Variants in NAV2 observed in about 807,000 individuals in gnomAD.
The protein encoded by NAV2 is helicase, APC down-regulated 1.
Under a neutral mutation model 223.2 loss-of-function variants are expected in NAV2, and 54 were observed. That is an observed-to-expected ratio of 0.24 (90% CI 0.19 to 0.30). The LOEUF (loss-of-function observed/expected upper bound fraction) is 0.30. NAV2 is among the 10% of genes least tolerant of loss of function. The pLI is 1.00. For synonymous variants in NAV2, 1,279 were observed against 1,239.3 expected (o/e 1.03, Z -0.67); for missense variants, 2,806 against 3,147.5 (o/e 0.89, Z 2.60).
At chr11:19,911,240 G>A (rs1660019846) in intron 6 of NAV2, among the ~76,000 whole-genome samples, 1 of 152,024 alleles carries the variant, frequency 6.6e-6, no homozygotes, top group Non-Finnish European at 1.5e-5. Flanking sequence ...AGTGTCTATA[G>A]GACATTTATG....
At chr11:19,723,914 G>T (rs2050996420) in intron 1 of NAV2, among the ~76,000 whole-genome samples, 1 of 152,252 alleles carries the variant, frequency 6.6e-6, no homozygotes, top group South Asian at 2.1e-4. Flanking sequence ...TGGGCCACAA[G>T]TGTGCCAGAG....
In NAV2 at chr11:20,101,032, C is replaced by G; in HGVS notation, c.6277C>G (p.Arg2093Gly). ...RYVSLLIEHR[R>G]IILSGPSGTG... ...CGTCTCCCTCCTGATAGAGCACCGT[C>G]GGATCATTCTCTCTGGCCCCAGCGG... The change falls in exon 32 of 38, where the codon CGG becomes GGG. Residue 2093 changes from arginine to glycine, a missense_variant. Physicochemically the swap from Arg to Gly is moderately radical, Grantham distance 125. This residue lies in a region of NAV2 where 824 missense variants were observed against 1,069.4 expected (regional missense o/e 0.77). Transcript: ENST00000349880. 2 of 1,614,144 alleles carry G rather than the reference C, an allele frequency of 1.2e-6. No homozygotes were observed. The highest frequency in any genetic ancestry group is 1.7e-6 in the Non-Finnish European group (2 of 1,180,028).
chr11:19,972,998 A>G (rs1023012392), intron 10 of NAV2, among the ~76,000 whole-genome samples: 6 of 152,188 alleles, frequency 3.9e-5, no homozygotes, highest in Non-Finnish European at 8.8e-5. Flanking sequence ...CTGAGGTTGA[A>G]TGATGTTCCC....
intron 1 of NAV2, among the ~76,000 whole-genome samples, chr11:19,696,940 C>T (rs2049360247): frequency 6.6e-6 from 1 of 152,166 alleles, no homozygotes; most frequent in Non-Finnish European, 1.5e-5. Context: ...ATAGATAGTG[C>T]TGTTGTACAC....
At chr11:19,667,006 CT>C (rs2135772080) in intron 1 of NAV2, among the ~76,000 whole-genome samples, 1 of 152,262 alleles carries the variant, frequency 6.6e-6, no homozygotes, top group Admixed American at 6.5e-5. Flanking sequence ...CCAGAAGGCC[CT>C]CCCCAGCCTC....
chr11:19,598,108 G>A (rs148689471), intron 1 of NAV2, among the ~76,000 whole-genome samples: 2 of 152,264 alleles, frequency 1.3e-5, no homozygotes, highest in African/African-American at 2.4e-5. Context: ...CCCCCTGACA[G>A]TGACAGGCAC....
At chr11:19,487,062 T>C (rs1488696809) in intron 1 of NAV2, among the ~76,000 whole-genome samples, 1 of 152,262 alleles carries the variant, frequency 6.6e-6, no homozygotes, top group Admixed American at 6.5e-5. Flanking sequence ...CTCAGGCACA[T>C]TACCTGGGTA....
intron 6 of NAV2, among the ~76,000 whole-genome samples, chr11:19,913,692 C>G (rs1041569749): frequency 3.9e-4 from 60 of 152,184 alleles, no homozygotes; most frequent in Non-Finnish European, 1.2e-4. Flanking sequence ...TCCAGATCTG[C>G]TACTAATTCA....
At chr11:19,557,366 C>T (rs190045423) in intron 1 of NAV2, among the ~76,000 whole-genome samples, 22 of 152,356 alleles carry the variant, frequency 1.4e-4, no homozygotes, top group African/African-American at 2.9e-4. Flanking sequence ...TGGCAATCTA[C>T]GGCTTACGAT....
At chr11:19,562,732 C>A (rs2045144603) in intron 1 of NAV2, among the ~76,000 whole-genome samples, 1 of 152,168 alleles carries the variant, frequency 6.6e-6, no homozygotes. Context: ...ATTTACGCAG[C>A]ACTAAAGCAA....
At chr11:19,890,187 G>T (rs2707098) in intron 5 of NAV2, among the ~76,000 whole-genome samples, 1 of 152,058 alleles carries the variant, frequency 6.6e-6, no homozygotes, top group Non-Finnish European at 1.5e-5. Context: ...AAAGTTACAG[G>T]TAAGGAATTT....
intron 3 of NAV2, among the ~76,000 whole-genome samples, chr11:19,868,438 C>T (rs1382967918): frequency 6.6e-6 from 1 of 152,152 alleles, no homozygotes; most frequent in Non-Finnish European, 1.5e-5. Context: ...GGTCACAGCC[C>T]TCCCCAGTCA....
intron 1 of NAV2, among the ~76,000 whole-genome samples, chr11:19,464,355 A>T (rs1188550030): frequency 6.6e-6 from 1 of 152,030 alleles, no homozygotes; most frequent in African/African-American, 2.4e-5. Flanking sequence ...TAGCTGCAGA[A>T]GTTTCTCGTT....
chr11:19,574,498 C>T (rs1011573602), intron 1 of NAV2, among the ~76,000 whole-genome samples: 14 of 152,252 alleles, frequency 9.2e-5, no homozygotes, highest in African/African-American at 2.9e-4. Flanking sequence ...ATAGGTTTTC[C>T]GTGGGCTCAT....
In NAV2 at chr11:19,947,902, G is replaced by A. The variant is rs541836166; in HGVS notation, c.2256-789G>A. On this transcript the variant is annotated intron_variant, in intron 9 of 37. Coordinates refer to ENST00000349880, the MANE Select transcript of NAV2 (RefSeq NM_145117.5). ...ACTGTGTCCACTGCTCAGTTGGGAG[G>A]GAGCTGAGGATGTAAAATGTGGTAT... 4.0e-3 allele frequency among the ~76,000 whole-genome samples: 604 copies of A among 152,206 alleles called. 2 individuals carry two copies. The highest frequency in any genetic ancestry group is 6.8e-3 in the Middle Eastern group (2 of 294).
At chr11:19,514,456 T>G (rs2043378683) in intron 1 of NAV2, among the ~76,000 whole-genome samples, 1 of 152,128 alleles carries the variant, frequency 6.6e-6, no homozygotes, top group South Asian at 2.1e-4. Flanking sequence ...TCAACCCAAT[T>G]CTCCCCTTTA....
At chr11:19,534,896 A>G (rs1212511626) in intron 1 of NAV2, among the ~76,000 whole-genome samples, 1 of 152,212 alleles carries the variant, frequency 6.6e-6, no homozygotes. Flanking sequence ...TGTGCACTGC[A>G]TGACTGGCCA....
rs1464213790 is a variant in NAV2, at chr11:20,005,175, G to A, written c.2768+20928G>A. ...AAGGCCTGAGAAGAAACTGCCACAC[G>A]ATAGAAGTTCAATAAATGTTTGAGA... On this transcript the variant is annotated intron_variant, in intron 11 of 37. Coordinates refer to ENST00000349880, the MANE Select transcript of NAV2 (RefSeq NM_145117.5). Among the ~76,000 whole-genome samples, 7 of 151,700 alleles carry A rather than the reference G, an allele frequency of 4.6e-5. No individual in the cohort carries two copies. The South Asian group carries it at 6.3e-4, about 14-fold the overall frequency.
At chr11:19,635,879 T>C (rs538051674) in intron 1 of NAV2, among the ~76,000 whole-genome samples, 17 of 152,342 alleles carry the variant, frequency 1.1e-4, no homozygotes, top group Non-Finnish European at 2.4e-4. Flanking sequence ...CAGGCCATCT[T>C]ACCTTAAGGA....
Sources: allele counts gnomAD v4.1 joint callset (sites outside exome capture counted in the v4.1 genomes callset), GRCh38; gene constraint gnomAD v4.1.1; regional missense constraint gnomAD v4.1.1; transcripts MANE v1.5; gene names NCBI Gene and HGNC (gene_info 2026-07-23, HGNC 2026-07-21).